Variants in LRBA observed in about 807,000 individuals in gnomAD.
LRBA encodes the protein LPS responsive beige-like anchor protein.
A neutral mutation model predicts 330.0 loss-of-function variants in LRBA; 176 were observed. The ratio of observed to expected loss-of-function variants is 0.53; its 90% CI spans 0.47 to 0.60. The LOEUF is 0.60. LRBA is among the 20% of genes least tolerant of loss of function. The pLI, the probability that LRBA is intolerant of heterozygous loss-of-function variation, is 0.00. For missense variants in LRBA, 3,259 were observed against 3,444.8 expected (o/e 0.95, Z 1.35); for synonymous variants, 1,230 against 1,193.0 (o/e 1.03, Z -0.64).
chr4:150,500,933 C>A (rs1263411676), intron 40 of LRBA, among the ~76,000 whole-genome samples: 5 of 152,108 alleles, frequency 3.3e-5, no homozygotes, highest in African/African-American at 1.2e-4. Context: ...TTAGTACCTG[C>A]CTCCTACTAA....
At chr4:150,287,605 G>A (rs1331485149) in intron 53 of LRBA, among the ~76,000 whole-genome samples, 1 of 152,164 alleles carries the variant, frequency 6.6e-6, no homozygotes, top group African/African-American at 2.4e-5. Context: ...GTCCTTCAAG[G>A]CTTTGGTGAC....
chr4:150,718,358 CAGA>C (rs1345245692), intron 36 of LRBA, among the ~76,000 whole-genome samples: 1 of 151,714 alleles, frequency 6.6e-6, no homozygotes, highest in Non-Finnish European at 1.5e-5. Flanking sequence ...TCTTTTTTTG[CAGA>C]AGAAGGTAAT....
chr4:150,397,962 T>A (rs1244960909), intron 47 of LRBA, among the ~76,000 whole-genome samples: 4 of 152,244 alleles, frequency 2.6e-5, no homozygotes, highest in East Asian at 1.9e-4. Context: ...CAAAATCCCA[T>A]TAAACAAAGC....
chr4:150,508,249 G>A lies in LRBA; in HGVS notation c.6331-17214C>T, dbSNP rs1012738975. On this transcript the variant is annotated intron_variant, in intron 40 of 56. Coordinates refer to ENST00000651943, the MANE Select transcript of LRBA (RefSeq NM_001364905.1). ...TAAAATTTAAAAAAAAAGGGGGGGGGGGGGAGAAAAAGACATCACATGAGA... is the reference window on the plus strand; with the variant it reads ...TAAAATTTAAAAAAAAAGGGGGGGGAGGGGAGAAAAAGACATCACATGAGA... Among the ~76,000 whole-genome samples the A allele has an allele frequency of 1.7e-4, 23 of 136,150 alleles. 1 individual carries two copies. Among genetic ancestry groups the A allele is most frequent in the Non-Finnish European group, 3.5e-4 (22 of 63,244 alleles). 89.3% of individuals were successfully genotyped at this position (136,150 alleles called of 152,430 possible). A position where few individuals can be genotyped will look rare whatever the true frequency, so the allele number is the denominator to read the frequency against.
rs540075619 is a variant in LRBA at position 150,349,975 on chromosome 4, C to G, written c.7362+17G>C. 3 of 1,611,746 alleles carry G rather than the reference C, an allele frequency of 1.9e-6. No individual in the cohort carries two copies. In the East Asian group the frequency reaches 6.7e-5, roughly 36 times the overall value. ...TATACCTGACTATAAGTTGCTTTCT[C>G]AATTCAGATAACTTACCTCTCTCAA... On this transcript the variant is annotated intron_variant, in intron 48 of 56. Transcript: ENST00000651943.
intron 47 of LRBA, 43 bp from the exon 48 acceptor site, chr4:150,350,202 T>C (rs1736948684): frequency 7.3e-7 from 1 of 1,373,944 alleles, no homozygotes; most frequent in Non-Finnish European, 9.8e-7. Flanking sequence ...GAATTCCTTT[T>C]TAAAAATATA....
chr4:150,916,746 A>G lies in LRBA; in HGVS notation c.646-8T>C. 1 of 1,528,850 alleles carries G rather than the reference A, an allele frequency of 6.5e-7. No homozygotes were observed. Among genetic ancestry groups the G allele is most frequent in the South Asian group, 1.3e-5 (1 of 74,564 alleles). The allele number at this position is 1,528,850 out of a possible 1,614,324, so 94.7% of individuals were successfully genotyped here. On this transcript the variant is annotated splice_region_variant and splice_polypyrimidine_tract_variant and intron_variant, in intron 5 of 56. Coordinates refer to ENST00000651943, the MANE Select transcript of LRBA (RefSeq NM_001364905.1). ...AGGAGGTAATGCAATAGCCTAAAGG[A>G]AAGAAACTTTGAGTTATTAACTCAC...
chr4:150,537,685 T>C (rs1337104640), intron 40 of LRBA, among the ~76,000 whole-genome samples: 1 of 152,168 alleles, frequency 6.6e-6, no homozygotes, highest in Non-Finnish European at 1.5e-5. Flanking sequence ...GCACAGTGGC[T>C]TACACCTGTA....
At chr4:150,868,947 T>A (rs1201827245) in intron 20 of LRBA, among the ~76,000 whole-genome samples, 1 of 151,896 alleles carries the variant, frequency 6.6e-6, no homozygotes, top group Non-Finnish European at 1.5e-5. Flanking sequence ...CAAAAAAAAA[T>A]AATGAAATAA....
chr4:150,761,811 C>A lies in LRBA; in HGVS notation c.5617G>T (p.Ala1873Ser), dbSNP rs1266306253. The stretch of plus-strand genomic sequence containing the variant: ...CCTTCATTGACAAGTTCGATAAAAG[C>A]AAGGCCTGCATTCTTCTGAATAGAA... ...QNSIQKNAGL[A>S]FIELVNEGRL... is the part of the protein sequence containing the mutation. The change falls in exon 35 of 57, where the codon GCT (alanine) becomes TCT (serine). Residue 1873 changes from alanine (A) to serine (S), a missense_variant. Transcript: ENST00000651943. 2 of 1,542,526 alleles carry A rather than the reference C, an allele frequency of 1.3e-6. No homozygotes were observed. Among genetic ancestry groups the A allele is most frequent in the Non-Finnish European group, 1.7e-6 (2 of 1,150,420 alleles).
At chr4:150,859,269 T>C (rs1211165916) in intron 22 of LRBA, among the ~76,000 whole-genome samples, 4 of 152,174 alleles carry the variant, frequency 2.6e-5, no homozygotes, top group South Asian at 2.1e-4. Flanking sequence ...TTCTAACTTA[T>C]GGCAATATGA....
intron 33 of LRBA, among the ~76,000 whole-genome samples, chr4:150,803,083 T>TACACACACACAC (rs1553964882): frequency 7.0e-5 from 9 of 128,480 alleles, no homozygotes; most frequent in African/African-American, 2.7e-4. Context: ...AAAATATATA[T>TACACACACACAC]ACACACACAC....
intron 56 of LRBA, 98 bp from the exon 57 acceptor site, chr4:150,265,910 G>A (rs1745250730): frequency 1.3e-6 from 1 of 749,402 alleles, no homozygotes; most frequent in Admixed American, 2.0e-5. Context: ...AAATATAGAA[G>A]CTGGCAGTGA....
At position 150,818,311 on chromosome 4, in the gene LRBA, C is replaced by G. The variant is rs182852946; in HGVS notation, c.5172-1054G>C. Among the ~76,000 whole-genome samples, 441 of 152,122 alleles carry G rather than the reference C, an allele frequency of 2.9e-3. 1 individual carries two copies. Among genetic ancestry groups the G allele is most frequent in the African/African-American group, 9.7e-3 (403 of 41,514 alleles). The stretch of plus-strand genomic sequence containing the variant: ...TATCATGTGAGGGCAAACACTGTTG[C>G]CAATTAAATCAAGGTCTCTTGTGCT... On this transcript the variant is annotated intron_variant, in intron 30 of 56. Transcript: ENST00000651943.
chr4:150,401,919 G>A (rs532826698), intron 47 of LRBA, among the ~76,000 whole-genome samples: 2 of 151,876 alleles, frequency 1.3e-5, no homozygotes, highest in South Asian at 4.2e-4. Flanking sequence ...AGGAGAGAGA[G>A]GAGGAAGGGA....
At chr4:150,522,648 A>G (rs925355084) in intron 40 of LRBA, among the ~76,000 whole-genome samples, 3 of 152,198 alleles carry the variant, frequency 2.0e-5, no homozygotes, top group African/African-American at 7.2e-5. Flanking sequence ...GCATTCCAGT[A>G]CAGTGCTCTT....
chr4:150,697,345 A>AAAAAC lies in LRBA; in HGVS notation c.5755-13629_5755-13628insGTTTT, dbSNP rs1784738165. Among the ~76,000 whole-genome samples, 2 of 149,246 alleles carry AAAAAC rather than the reference A, an allele frequency of 1.3e-5. 1 individual carries two copies. Among genetic ancestry groups the AAAAAC allele is most frequent in the Non-Finnish European group, 3.0e-5 (2 of 67,316 alleles). On this transcript the variant is annotated intron_variant, in intron 36 of 56. Coordinates refer to ENST00000651943, the MANE Select transcript of LRBA (RefSeq NM_001364905.1). Reference sequence around the variant, plus strand: ...TCTCAGAAAAAAAAAAAAAAAAAAAAAAAAAACAGGGAGAGTTTCACAGAG... The same window carrying AAAAAC: ...TCTCAGAAAAAAAAAAAAAAAAAAAAAAAACAAAAAACAGGGAGAGTTTCACAGAG...
intron 47 of LRBA, among the ~76,000 whole-genome samples, chr4:150,361,605 G>A (rs1279220456): frequency 1.3e-5 from 2 of 151,782 alleles, no homozygotes; most frequent in African/African-American, 2.4e-5. Context: ...CTTAATATAG[G>A]GTCTTTTTCC....
Position 150,285,907 on chromosome 4 carries a change from A to G in LRBA, c.8119+26T>C, listed in dbSNP as rs112585786. On this transcript the variant is annotated intron_variant, in intron 54 of 56. Transcript: ENST00000651943. ...CTAGAAGACAGCAAGAAATGCATCCATTTTGTGAAGGTACCACAGGTTTAC... is the reference window on the plus strand; with the variant it reads ...CTAGAAGACAGCAAGAAATGCATCCGTTTTGTGAAGGTACCACAGGTTTAC... The G allele has an allele frequency of 7.7e-6, 11 of 1,431,086 alleles. No individual in the cohort carries two copies. In the African/African-American group the frequency reaches 1.2e-4, roughly 15 times the overall value. 88.6% of individuals were successfully genotyped at this position (1,431,086 alleles called of 1,614,324 possible).
Sources: allele counts gnomAD v4.1 joint callset (sites outside exome capture counted in the v4.1 genomes callset), GRCh38; gene constraint gnomAD v4.1.1; transcripts MANE v1.5; gene names NCBI Gene and HGNC (gene_info 2026-07-23, HGNC 2026-07-21).